The following DNER variants were observed in gnomAD, a reference collection of about 807,000 sequenced individuals.
DNER encodes the protein delta and Notch-like epidermal growth factor-related receptor.
Under a neutral mutation model 78.2 loss-of-function variants are expected in DNER, and 33 were observed. The ratio of observed to expected loss-of-function variants is 0.42; its 90% CI spans 0.32 to 0.56. The LOEUF (loss-of-function observed/expected upper bound fraction) is 0.56. Among genes scored for constraint, DNER ranks in the 20% least tolerant of loss-of-function variants. The pLI is 0.11. For synonymous variants in DNER, 417 were observed against 384.8 expected (o/e 1.08, Z -0.98); for missense variants, 918 against 975.3 (o/e 0.94, Z 0.78).
intron 6 of DNER, among the ~76,000 whole-genome samples, chr2:229,492,840 T>TG (rs1695429472): frequency 2.6e-5 from 4 of 151,916 alleles, no homozygotes; most frequent in Admixed American, 6.6e-5. Flanking sequence ...AGCTAAGCTT[T>TG]TTTTATTTTT....
chr2:229,455,279 C>T (rs961451782), intron 7 of DNER, among the ~76,000 whole-genome samples: 2 of 152,048 alleles, frequency 1.3e-5, no homozygotes, highest in East Asian at 1.9e-4. Flanking sequence ...TTCTTACTAC[C>T]GTGTGACCTC....
In DNER at chr2:229,584,217, G is replaced by A. The variant is rs144804809; in HGVS notation, c.847+1641C>T. 7.1e-4 allele frequency among the ~76,000 whole-genome samples: 108 copies of A among 151,916 alleles called. 1 individual carries two copies. Among genetic ancestry groups the A allele is most frequent in the Admixed American group, 4.9e-3 (75 of 15,284 alleles). ...ATTTGTCAATTATCCTTGTACATTC[G>A]TTATCTAATTTAAGCTGACAAACAA... is the stretch of plus-strand genomic sequence containing the variant. On this transcript the variant is annotated intron_variant, in intron 4 of 12. Transcript: ENST00000341772.
intron 1 of DNER, among the ~76,000 whole-genome samples, chr2:229,635,806 G>A (rs570242615): frequency 3.3e-5 from 5 of 152,144 alleles, no homozygotes; most frequent in African/African-American, 1.2e-4. Context: ...CCATGTACTG[G>A]TAACAAAAGC....
chr2:229,710,289 C>T (rs773485996), intron 1 of DNER, among the ~76,000 whole-genome samples: 14 of 152,204 alleles, frequency 9.2e-5, no homozygotes, highest in Admixed American at 1.3e-4. Context: ...GGTTATAGCT[C>T]TTGCTCCCTA....
chr2:229,627,634 G>T (rs183099106), intron 1 of DNER, among the ~76,000 whole-genome samples: 1 of 152,316 alleles, frequency 6.6e-6, no homozygotes, highest in Non-Finnish European at 1.5e-5. Context: ...AGAAAGAGAG[G>T]TCTGATTAAC....
intron 1 of DNER, among the ~76,000 whole-genome samples, chr2:229,615,730 GT>G (rs1698146729): frequency 6.6e-6 from 1 of 151,948 alleles, no homozygotes; most frequent in Non-Finnish European, 1.5e-5. Context: ...AAAAAGAACT[GT>G]TTTGTAGAGG....
chr2:229,618,504 G>C, intron 1 of DNER, among the ~76,000 whole-genome samples: 1 of 152,060 alleles, frequency 6.6e-6, no homozygotes, highest in East Asian at 1.9e-4. Context: ...TATTTCCAAG[G>C]GCCTCTCACG....
At chr2:229,666,246 C>G (rs1286986439) in intron 1 of DNER, among the ~76,000 whole-genome samples, 3 of 152,168 alleles carry the variant, frequency 2.0e-5, no homozygotes, top group African/African-American at 7.2e-5. Flanking sequence ...TCCCTTGCAA[C>G]CTACGGGTGG....
intron 4 of DNER, among the ~76,000 whole-genome samples, chr2:229,579,826 G>A (rs970874262): frequency 4.0e-5 from 6 of 149,032 alleles, no homozygotes; most frequent in Non-Finnish European, 7.4e-5. Flanking sequence ...ACAAAACACT[G>A]TTATCTCCAG....
At chr2:229,542,578 A>T (rs1449666398) in intron 5 of DNER, among the ~76,000 whole-genome samples, 1 of 152,174 alleles carries the variant, frequency 6.6e-6, no homozygotes, top group South Asian at 2.1e-4. Context: ...AAATCACAAA[A>T]TACAGTTCTA....
intron 5 of DNER, among the ~76,000 whole-genome samples, chr2:229,515,644 TTTA>T (rs200705733): frequency 0.28 from 36,825 of 132,436 alleles, 4,950 homozygotes; most frequent in South Asian, 0.34. Context: ...GCTTTATTTT[TTTA>T]TTTTTTTTTT....
intron 4 of DNER, among the ~76,000 whole-genome samples, chr2:229,558,189 G>A (rs1335439619): frequency 6.6e-6 from 1 of 152,152 alleles, no homozygotes; most frequent in Non-Finnish European, 1.5e-5. Flanking sequence ...GGAACACATG[G>A]ACATATAGAG....
At chr2:229,418,643 A>C (rs916253111) in intron 8 of DNER, among the ~76,000 whole-genome samples, 2 of 152,012 alleles carry the variant, frequency 1.3e-5, no homozygotes, top group Non-Finnish European at 2.9e-5. Context: ...GTGGTGGCTC[A>C]TGCCACCACA....
intron 1 of DNER, among the ~76,000 whole-genome samples, chr2:229,712,771 A>C (rs1699930498): frequency 6.6e-6 from 1 of 152,234 alleles, no homozygotes; most frequent in East Asian, 1.9e-4. Flanking sequence ...GGCTCACATC[A>C]CACAAATTCT....
intron 8 of DNER, among the ~76,000 whole-genome samples, chr2:229,437,694 C>T (rs1171413108): frequency 6.6e-6 from 1 of 152,058 alleles, no homozygotes; most frequent in Non-Finnish European, 1.5e-5. Flanking sequence ...TGTGGGAAGG[C>T]GTGCTACTGA....
intron 5 of DNER, among the ~76,000 whole-genome samples, chr2:229,525,223 C>T (rs1696186314): frequency 6.6e-6 from 1 of 152,198 alleles, no homozygotes; most frequent in South Asian, 2.1e-4. Context: ...TCCTAGTCAA[C>T]CTAAAATTCT....
chr2:229,371,494 A>T (rs537326136), intron 11 of DNER, among the ~76,000 whole-genome samples: 34 of 152,362 alleles, frequency 2.2e-4, no homozygotes, highest in Non-Finnish European at 4.1e-4. Flanking sequence ...AGTCTGACAG[A>T]TCATTTTCAT....
chr2:229,624,244 T>C (rs1173749194), intron 1 of DNER, among the ~76,000 whole-genome samples: 2 of 151,866 alleles, frequency 1.3e-5, no homozygotes, highest in Non-Finnish European at 2.9e-5. Context: ...AAAACACAAC[T>C]CTAAGTTAAA....
intron 11 of DNER, among the ~76,000 whole-genome samples, chr2:229,384,802 A>G (rs1692825358): frequency 6.6e-6 from 1 of 152,152 alleles, no homozygotes; most frequent in Non-Finnish European, 1.5e-5. Context: ...CCAGGACCAG[A>G]TGGATTCACA....
Sources: gnomAD v4.1 joint callset for allele counts (sites outside exome capture counted in the v4.1 genomes callset) on GRCh38, gnomAD v4.1.1 for gene constraint, MANE v1.5 for transcripts, NCBI Gene and HGNC (gene_info 2026-07-23, HGNC 2026-07-21) for gene names.